The following HOMER1 variants were observed in gnomAD, a reference collection of about 807,000 sequenced individuals.
HOMER1 encodes homer scaffold protein 1, also known as homer protein homolog 1.
A neutral mutation model predicts 48.9 loss-of-function variants in HOMER1; 3 were observed. That is an observed-to-expected ratio of 0.06 (90% CI 0.03 to 0.16). HOMER1 has a LOEUF of 0.16. Ranked by LOEUF, HOMER1 falls within the 10% of genes least tolerant of loss-of-function variation. The pLI is 1.00. For synonymous variants in HOMER1, 134 were observed against 146.4 expected (o/e 0.92, Z 0.61); for missense variants, 247 against 411.4 (o/e 0.60, Z 3.46).
At chr5:79,413,903 T>C (rs893204770) in intron 5 of HOMER1, among the ~76,000 whole-genome samples, 3 of 152,104 alleles carry the variant, frequency 2.0e-5, no homozygotes, top group African/African-American at 7.2e-5. Context: ...TAATACTTAT[T>C]GTCAAAAGGA....
At chr5:79,500,958 A>C (rs1030019500) in intron 1 of HOMER1, among the ~76,000 whole-genome samples, 1 of 60,202 alleles carries the variant, frequency 1.7e-5, no homozygotes, top group Non-Finnish European at 2.8e-5. Flanking sequence ...TGTGTGAGAC[A>C]GACAGACACA....
At chr5:79,405,270 C>T (rs1268266458) in intron 5 of HOMER1, among the ~76,000 whole-genome samples, 2 of 152,078 alleles carry the variant, frequency 1.3e-5, no homozygotes, top group Non-Finnish European at 2.9e-5. Flanking sequence ...AGAGAGGCCT[C>T]GGAAGAAATG....
Position 79,426,623 on chromosome 5 carries a change from T to A in HOMER1, c.527+12387A>T, listed in dbSNP as rs79513576. 2.2e-4 allele frequency among the ~76,000 whole-genome samples: 34 copies of A among 152,158 alleles called. No homozygotes were observed. In the East Asian group the frequency reaches 6.6e-3, roughly 29 times the overall value. On this transcript the variant is annotated intron_variant, in intron 5 of 8. Coordinates refer to ENST00000334082, the MANE Select transcript of HOMER1 (RefSeq NM_004272.5). The stretch of plus-strand genomic sequence containing the variant: ...GATGCCATGGAGGTAGAGAATAGAA[T>A]GGCTACCAGAAGTTGGGAAGGGTAG...
chr5:79,431,971 C>T (rs1170543433), intron 5 of HOMER1, among the ~76,000 whole-genome samples: 1 of 152,186 alleles, frequency 6.6e-6, no homozygotes, highest in African/African-American at 2.4e-5. Context: ...ATGTGGGTTA[C>T]CTAGTCTCCA....
chr5:79,438,372 G>A (rs995969495), intron 5 of HOMER1, among the ~76,000 whole-genome samples: 11 of 152,190 alleles, frequency 7.2e-5, no homozygotes, highest in African/African-American at 2.7e-4. Context: ...AATAATGAAT[G>A]TAACTGGTTT....
chr5:79,387,069 T>TTCTCTCTCTCTCTCTC (rs766145471), intron 8 of HOMER1, among the ~76,000 whole-genome samples: 2 of 132,352 alleles, frequency 1.5e-5, no homozygotes, highest in Admixed American at 1.5e-4. Context: ...TTTCCTTTCT[T>TTCTCTCTCTCTCTCTC]TCTCTATCTC....
In HOMER1 at chr5:79,439,158, A is replaced by T. The variant is rs200317419; in HGVS notation, c.388-9T>A. The T allele has an allele frequency of 8.9e-5, 144 of 1,613,614 alleles. No individual in the cohort carries two copies. In the African/African-American group the frequency reaches 1.7e-3, roughly 19 times the overall value. Reference sequence around the variant, plus strand: ...TCCCCGCCTGCGGATTCCTTTAAAAAAAGGGGTGGGGGATAAAAAATAGTT... The same window carrying T: ...TCCCCGCCTGCGGATTCCTTTAAAATAAGGGGTGGGGGATAAAAAATAGTT... On this transcript the variant is annotated splice_polypyrimidine_tract_variant and intron_variant, in intron 4 of 8. Transcript: ENST00000334082.
At chr5:79,407,756 T>C (rs949839327) in intron 5 of HOMER1, among the ~76,000 whole-genome samples, 1 of 152,186 alleles carries the variant, frequency 6.6e-6, no homozygotes, top group African/African-American at 2.4e-5. Flanking sequence ...AGAGGAAATA[T>C]CTGAAGACAT....
intron 6 of HOMER1, 25 bp downstream of exon 6, chr5:79,401,874 C>T: frequency 6.2e-7 from 1 of 1,611,986 alleles, no homozygotes; most frequent in Non-Finnish European, 8.5e-7. Flanking sequence ...CCCTAAATCC[C>T]TATAGACATC....
chr5:79,492,985 C>T (rs578133356), intron 1 of HOMER1, among the ~76,000 whole-genome samples: 3 of 135,154 alleles, frequency 2.2e-5, no homozygotes, highest in East Asian at 2.4e-4. Context: ...GTGGCACGAT[C>T]GTGGCTCAAT....
At chr5:79,461,985 G>C (rs901063520) in intron 1 of HOMER1, among the ~76,000 whole-genome samples, 1 of 152,124 alleles carries the variant, frequency 6.6e-6, no homozygotes, top group Non-Finnish European at 1.5e-5. Flanking sequence ...CATCACTTGA[G>C]GTCAGGAGTT....
chr5:79,511,473 G>C lies in HOMER1; in HGVS notation c.5+1297C>G, dbSNP rs1328951248. Among the ~76,000 whole-genome samples, 6 of 152,100 alleles carry C rather than the reference G, an allele frequency of 3.9e-5. No homozygotes were observed. In the East Asian group the frequency reaches 1.2e-3, roughly 29 times the overall value. On this transcript the variant is annotated intron_variant, in intron 1 of 8. Transcript: ENST00000334082. ...GAAATCTTTAAGTCATCTCTAAATC[G>C]TTCATTTTACAGGTAAGAAATAGAG...
chr5:79,394,402 T>C (rs1749328425), intron 8 of HOMER1, among the ~76,000 whole-genome samples: 1 of 152,174 alleles, frequency 6.6e-6, no homozygotes, highest in African/African-American at 2.4e-5. Flanking sequence ...TTATTTTCTG[T>C]AGCTTGTTCT....
At chr5:79,384,202 A>C (rs561037985) in intron 8 of HOMER1, among the ~76,000 whole-genome samples, 1 of 152,140 alleles carries the variant, frequency 6.6e-6, no homozygotes, top group East Asian at 1.9e-4. Flanking sequence ...AAACAAAAAA[A>C]TAAAGGATCA....
At chr5:79,448,050 C>G (rs1413128131) in intron 3 of HOMER1, among the ~76,000 whole-genome samples, 1 of 152,116 alleles carries the variant, frequency 6.6e-6, no homozygotes, top group Non-Finnish European at 1.5e-5. Flanking sequence ...GAAGGAAAGG[C>G]CTGTGATACT....
intron 1 of HOMER1, among the ~76,000 whole-genome samples, chr5:79,460,193 G>A (rs998858408): frequency 1.1e-4 from 17 of 152,112 alleles, no homozygotes; most frequent in Admixed American, 9.8e-4. Flanking sequence ...TGGGCCACGT[G>A]TGGTGGCTCA....
intron 1 of HOMER1, among the ~76,000 whole-genome samples, chr5:79,483,692 A>G (rs6453452): frequency 0.39 from 58,244 of 150,902 alleles, 14,331 homozygotes; most frequent in African/African-American, 0.67. Flanking sequence ...GTAAATATGC[A>G]GGTAAATACA....
chr5:79,496,213 T>C (rs911841008), intron 1 of HOMER1, among the ~76,000 whole-genome samples: 1 of 152,114 alleles, frequency 6.6e-6, no homozygotes, highest in Non-Finnish European at 1.5e-5. Context: ...GCGACTGAAA[T>C]GGAGGAACTG....
chr5:79,474,914 T>C (rs1287557159), intron 1 of HOMER1, among the ~76,000 whole-genome samples: 1 of 152,240 alleles, frequency 6.6e-6, no homozygotes, highest in African/African-American at 2.4e-5. Flanking sequence ...TCAGCAATTT[T>C]CCTTTTATAA....
Sources: allele counts gnomAD v4.1 joint callset (sites outside exome capture counted in the v4.1 genomes callset), GRCh38; gene constraint gnomAD v4.1.1; transcripts MANE v1.5; gene names NCBI Gene and HGNC (gene_info 2026-07-23, HGNC 2026-07-21).